SEMA3D: variants seen among roughly 807,000 people sequenced by gnomAD.
SEMA3D encodes the protein semaphorin 3D, also known as semaphorin-3D.
In SEMA3D, 84 loss-of-function variants were observed where a neutral mutation model predicts 100.1. The observed-to-expected ratio is 0.84, with a 90% CI of 0.70 to 1.01. The LOEUF (loss-of-function observed/expected upper bound fraction) is 1.01, where lower values mean the gene tolerates loss of function less well. Ranked by LOEUF, SEMA3D falls within the 50% of genes least tolerant of loss-of-function variation. The probability of loss-of-function intolerance (pLI) is 0.00; values close to 1 mark genes in which losing one functional copy is unlikely to be tolerated. For synonymous variants in SEMA3D, 312 were observed against 320.7 expected (o/e 0.97, Z 0.29); for missense variants, 875 against 934.1 (o/e 0.94, Z 0.82).
intron 15 of SEMA3D, among the ~76,000 whole-genome samples, chr7:85,017,150 T>C (rs1449783042): frequency 6.6e-6 from 1 of 151,706 alleles, no homozygotes; most frequent in Non-Finnish European, 1.5e-5. Context: ...CTGGTTGGCA[T>C]ATACTCCTCC....
chr7:85,036,568 C>T (rs956176275), intron 12 of SEMA3D, among the ~76,000 whole-genome samples: 4 of 152,082 alleles, frequency 2.6e-5, no homozygotes, highest in African/African-American at 4.8e-5. Flanking sequence ...ACTTCTTTGA[C>T]ATTTCCATCT....
chr7:85,114,714 G>A (rs1006790944), intron 3 of SEMA3D, among the ~76,000 whole-genome samples: 7 of 152,076 alleles, frequency 4.6e-5, no homozygotes, highest in African/African-American at 1.2e-4. Flanking sequence ...CATCAAAAGC[G>A]TAGAGCTTTT....
intron 2 of SEMA3D, among the ~76,000 whole-genome samples, chr7:85,122,793 T>C (rs1245530122): frequency 6.6e-6 from 1 of 152,130 alleles, no homozygotes; most frequent in Non-Finnish European, 1.5e-5. Flanking sequence ...AGGGAAGTAA[T>C]GAATAGAAAA....
chr7:85,118,445 T>C (rs1044780072), intron 3 of SEMA3D, among the ~76,000 whole-genome samples: 1 of 152,142 alleles, frequency 6.6e-6, no homozygotes, highest in African/African-American at 2.4e-5. Flanking sequence ...TATTAAATTG[T>C]TGAGAATATG....
chr7:85,118,245 T>C (rs1227866000), intron 3 of SEMA3D, among the ~76,000 whole-genome samples: 2 of 152,278 alleles, frequency 1.3e-5, no homozygotes, highest in East Asian at 3.9e-4. Context: ...ATCTGCTTAT[T>C]CCTTTTGATA....
intron 16 of SEMA3D, 100 bp downstream of exon 16, chr7:85,014,959 A>T (rs1181536396): frequency 1.1e-5 from 9 of 808,206 alleles, no homozygotes; most frequent in Non-Finnish European, 1.7e-5. Flanking sequence ...CATGTTAGTA[A>T]TATATTTTCT....
Position 85,091,088 on chromosome 7 carries a change from A to AG in SEMA3D, c.312+6716_312+6717insC, listed in dbSNP as rs1216173912. 2.0e-4 allele frequency among the ~76,000 whole-genome samples: 28 copies of AG among 142,648 alleles called. No individual in the cohort carries two copies. In the South Asian group the frequency reaches 2.7e-3, roughly 14 times the overall value. 93.6% of individuals were successfully genotyped at this position (142,648 alleles called of 152,430 possible). The stretch of plus-strand genomic sequence containing the variant: ...AAGGAGAGAAAGAGAAAGAGAGAGA[A>AG]AGAGAGAGGGAGAGAGGGAGGGAGG... On this transcript the variant is annotated intron_variant, in intron 4 of 18. Coordinates refer to ENST00000284136, the MANE Select transcript of SEMA3D (RefSeq NM_001384900.1).
Position 85,042,303 on chromosome 7 carries a change from ATAAAG to A in SEMA3D, c.862-23_862-19del. On this transcript the variant is annotated intron_variant, in intron 9 of 18. Transcript: ENST00000284136. ...ACATCATTCTGACATGAAAAAAAAA[ATAAAG>A]ATAAATATTTATCAACACAATTCTA... is the stretch of plus-strand genomic sequence containing the variant. The A allele has an allele frequency of 6.6e-7, 1 of 1,511,642 alleles. No homozygotes were observed. The highest frequency in any genetic ancestry group is 9.2e-7 in the Non-Finnish European group (1 of 1,088,824). The allele number at this position is 1,511,642 out of a possible 1,614,324, so 93.6% of individuals were successfully genotyped here.
At chr7:85,133,826 G>A (rs2116441762) in intron 2 of SEMA3D, among the ~76,000 whole-genome samples, 1 of 151,978 alleles carries the variant, frequency 6.6e-6, no homozygotes, top group East Asian at 1.9e-4. Context: ...TGCATGGAAA[G>A]CACTTAGTAT....
At chr7:85,084,649 G>A (rs1253155052) in intron 4 of SEMA3D, among the ~76,000 whole-genome samples, 6 of 151,722 alleles carry the variant, frequency 4.0e-5, no homozygotes, top group Non-Finnish European at 5.9e-5. Context: ...ACAAGTGCAG[G>A]TTTGTTACAC....
At chr7:85,071,506 T>C (rs1791773159) in intron 6 of SEMA3D, among the ~76,000 whole-genome samples, 1 of 152,212 alleles carries the variant, frequency 6.6e-6, no homozygotes, top group African/African-American at 2.4e-5. Flanking sequence ...TATGTGTGGT[T>C]ACTCACAAAA....
chr7:85,152,872 G>A (rs2116495208), intron 2 of SEMA3D, among the ~76,000 whole-genome samples: 1 of 152,216 alleles, frequency 6.6e-6, no homozygotes, highest in African/African-American at 2.4e-5. Flanking sequence ...AGTAGTCACT[G>A]ATGCAAGTCA....
intron 12 of SEMA3D, among the ~76,000 whole-genome samples, chr7:85,030,036 T>C (rs1457044178): frequency 6.6e-6 from 1 of 151,988 alleles, no homozygotes; most frequent in Admixed American, 6.6e-5. Flanking sequence ...TCTCTAGTGT[T>C]GGACAGTGGA....
At chr7:85,070,900 C>G (rs1791753722) in intron 6 of SEMA3D, among the ~76,000 whole-genome samples, 1 of 152,156 alleles carries the variant, frequency 6.6e-6, no homozygotes, top group Non-Finnish European at 1.5e-5. Flanking sequence ...CTTGCCTCAG[C>G]CTTCAGAGTA....
At chr7:85,227,873 G>T in the SEMA3D span, among the ~76,000 whole-genome samples, 1 of 151,784 alleles carries the variant, frequency 6.6e-6, no homozygotes, top group Non-Finnish European at 1.5e-5. Context: ...CACTCCTTGT[G>T]GTCAATCATA....
chr7:85,096,984 T>C (rs1167703219), intron 4 of SEMA3D, among the ~76,000 whole-genome samples: 1 of 151,698 alleles, frequency 6.6e-6, no homozygotes, highest in Non-Finnish European at 1.5e-5. Context: ...CAAAGATGGG[T>C]TAAAAAGACA....
intron 12 of SEMA3D, among the ~76,000 whole-genome samples, chr7:85,033,374 T>G (rs1042472131): frequency 6.6e-6 from 1 of 152,070 alleles, no homozygotes; most frequent in African/African-American, 2.4e-5. Context: ...ATGAGGACAG[T>G]CATGTAAAAC....
At chr7:85,109,323 T>A (rs1230973189) in intron 3 of SEMA3D, among the ~76,000 whole-genome samples, 2 of 152,148 alleles carry the variant, frequency 1.3e-5, no homozygotes, top group East Asian at 3.9e-4. Flanking sequence ...CTAAGCCCCA[T>A]CACCCATTAC....
chr7:85,025,722 T>G (rs1340470675), intron 12 of SEMA3D, among the ~76,000 whole-genome samples: 1 of 151,844 alleles, frequency 6.6e-6, no homozygotes, highest in Middle Eastern at 3.4e-3. Context: ...ATTTATAGAG[T>G]AAAAATGCAA....
Sources: allele counts gnomAD v4.1 joint callset (sites outside exome capture counted in the v4.1 genomes callset), GRCh38; gene constraint gnomAD v4.1.1; transcripts MANE v1.5; gene names NCBI Gene and HGNC (gene_info 2026-07-23, HGNC 2026-07-21).